RGS6: variants seen among roughly 807,000 people sequenced by gnomAD.
The protein encoded by RGS6 is regulator of G-protein signaling 6.
A neutral mutation model predicts 78.5 loss-of-function variants in RGS6; 30 were observed. The ratio of observed to expected loss-of-function variants is 0.38; its 90% CI spans 0.29 to 0.52. The LOEUF (loss-of-function observed/expected upper bound fraction) is 0.52. RGS6 is among the 20% of genes least tolerant of loss of function. The pLI is 0.85. For missense variants in RGS6, 495 were observed against 609.7 expected (o/e 0.81, Z 1.98); for synonymous variants, 206 against 206.0 (o/e 1.00, Z 0.00).
At chr14:72,246,959 G>T (rs1341910930) in intron 2 of RGS6, among the ~76,000 whole-genome samples, 1 of 151,944 alleles carries the variant, frequency 6.6e-6, no homozygotes, top group Non-Finnish European at 1.5e-5. Flanking sequence ...GAGGAGGAGG[G>T]TCTTAAATGA....
At chr14:72,556,701 G>A (rs2097582322) in intron 17 of RGS6, among the ~76,000 whole-genome samples, 1 of 131,654 alleles carries the variant, frequency 7.6e-6, no homozygotes, top group Admixed American at 7.7e-5. Context: ...GGGGTGGGGG[G>A]TGCTGTTGCA....
chr14:72,053,778 C>T (rs2093468119), intron 2 of RGS6, among the ~76,000 whole-genome samples: 1 of 152,142 alleles, frequency 6.6e-6, no homozygotes, highest in African/African-American at 2.4e-5. Context: ...AAAATCTCTC[C>T]ACGAAATTGA....
At chr14:72,252,202 T>G (rs1010419592) in intron 2 of RGS6, among the ~76,000 whole-genome samples, 6 of 152,258 alleles carry the variant, frequency 3.9e-5, no homozygotes, top group Admixed American at 1.3e-4. Context: ...GATTCACTCA[T>G]GCGTATGCCC....
chr14:72,132,541 A>T (rs1032267472), intron 2 of RGS6, among the ~76,000 whole-genome samples: 2 of 152,152 alleles, frequency 1.3e-5, no homozygotes, highest in East Asian at 3.9e-4. Flanking sequence ...GGCCTCCCAA[A>T]GTGCTGGGAT....
chr14:72,427,787 C>T (rs1222877196), intron 3 of RGS6, among the ~76,000 whole-genome samples: 1 of 152,154 alleles, frequency 6.6e-6, no homozygotes, highest in Non-Finnish European at 1.5e-5. Context: ...TGTCTTCTAC[C>T]CCAAAGTCCT....
the RGS6 span, among the ~76,000 whole-genome samples, chr14:72,590,541 T>A: frequency 6.6e-6 from 1 of 152,176 alleles, no homozygotes; most frequent in Admixed American, 6.5e-5. Context: ...ACCCGTAAGT[T>A]CCCTTTATAG....
At chr14:72,281,643 A>G (rs1186028941) in intron 2 of RGS6, among the ~76,000 whole-genome samples, 1 of 152,194 alleles carries the variant, frequency 6.6e-6, no homozygotes, top group Non-Finnish European at 1.5e-5. Flanking sequence ...TGAGGAGACT[A>G]TTGAGATATA....
At chr14:72,191,522 A>ACTCCGT (rs2097325513) in intron 2 of RGS6, among the ~76,000 whole-genome samples, 2 of 152,220 alleles carry the variant, frequency 1.3e-5, no homozygotes, top group South Asian at 4.1e-4. Context: ...TCACGGCAGA[A>ACTCCGT]GATGAAGGAA....
chr14:72,447,428 C>T (rs1177710497), intron 3 of RGS6, among the ~76,000 whole-genome samples: 2 of 152,132 alleles, frequency 1.3e-5, no homozygotes, highest in East Asian at 1.9e-4. Context: ...AGCTGTCTAT[C>T]GGAAGATCCC....
intron 2 of RGS6, among the ~76,000 whole-genome samples, chr14:71,978,195 A>G (rs1381447125): frequency 7.4e-6 from 1 of 134,388 alleles, no homozygotes; most frequent in African/African-American, 2.6e-5. Context: ...ATATACAATC[A>G]TGTCGTCTGC....
At chr14:72,082,633 A>G (rs2153477713) in intron 2 of RGS6, among the ~76,000 whole-genome samples, 1 of 152,266 alleles carries the variant, frequency 6.6e-6, no homozygotes, top group African/African-American at 2.4e-5. Context: ...TGTACCCCAT[A>G]CATATATATA....
intron 2 of RGS6, among the ~76,000 whole-genome samples, chr14:72,158,934 C>A (rs925298061): frequency 6.6e-6 from 1 of 152,156 alleles, no homozygotes; most frequent in Non-Finnish European, 1.5e-5. Flanking sequence ...GTTACTTAAC[C>A]CACCTGTGAT....
At chr14:72,166,304 C>T (rs2096927068) in intron 2 of RGS6, among the ~76,000 whole-genome samples, 1 of 152,150 alleles carries the variant, frequency 6.6e-6, no homozygotes, top group Non-Finnish European at 1.5e-5. Context: ...AATTGAAAAG[C>T]TCCCATTTTT....
At chr14:71,944,071 C>CT (rs1235934741) in intron 1 of RGS6, among the ~76,000 whole-genome samples, 3 of 152,094 alleles carry the variant, frequency 2.0e-5, no homozygotes, top group Non-Finnish European at 4.4e-5. Flanking sequence ...GTCGGTTTGG[C>CT]TTTTTTGTTT....
At chr14:72,259,689 C>T (rs542161857) in intron 2 of RGS6, among the ~76,000 whole-genome samples, 57 of 151,482 alleles carry the variant, frequency 3.8e-4, no homozygotes, top group African/African-American at 1.4e-3. Flanking sequence ...GGGTGGATCA[C>T]GAGGTCAGGA....
intron 2 of RGS6, among the ~76,000 whole-genome samples, chr14:72,294,887 G>A (rs1042351486): frequency 6.6e-6 from 1 of 152,114 alleles, no homozygotes; most frequent in Non-Finnish European, 1.5e-5. Context: ...ATGAGATTTG[G>A]GTGGGGACAC....
intron 1 of RGS6, among the ~76,000 whole-genome samples, chr14:71,962,280 AG>A (rs200599136): frequency 0.019 from 2,861 of 152,108 alleles, 90 homozygotes; most frequent in African/African-American, 0.064. Flanking sequence ...TGTTGGTGGG[AG>A]GGGGTGGCTG....
intron 3 of RGS6, among the ~76,000 whole-genome samples, chr14:72,398,278 G>C (rs1337641917): frequency 1.3e-5 from 2 of 152,242 alleles, no homozygotes; most frequent in South Asian, 2.1e-4. Flanking sequence ...GTTTAGTCTT[G>C]GGAGAGTGTA....
At chr14:71,953,258 G>C (rs935140704) in intron 1 of RGS6, among the ~76,000 whole-genome samples, 2 of 152,086 alleles carry the variant, frequency 1.3e-5, no homozygotes, top group Non-Finnish European at 2.9e-5. Flanking sequence ...GCTTGGACTT[G>C]TTCAAGGGAC....
Sources: gnomAD v4.1 joint callset for allele counts (sites outside exome capture counted in the v4.1 genomes callset) on GRCh38, gnomAD v4.1.1 for gene constraint, MANE v1.5 for transcripts, NCBI Gene and HGNC (gene_info 2026-07-23, HGNC 2026-07-21) for gene names.